The following TCF7L1 variants were observed in gnomAD, a reference collection of about 807,000 sequenced individuals.
The protein encoded by TCF7L1 is transcription factor 7-like 1.
In TCF7L1, 18 loss-of-function variants were observed where a neutral mutation model predicts 63.7. The ratio of observed to expected loss-of-function variants is 0.28; its 90% CI spans 0.20 to 0.42. The LOEUF is 0.42. Among genes scored for constraint, TCF7L1 ranks in the 10% least tolerant of loss-of-function variants. The pLI is 1.00. For missense variants in TCF7L1, 654 were observed against 779.3 expected (o/e 0.84, Z 1.91); for synonymous variants, 355 against 340.9 (o/e 1.04, Z -0.46).
intron 3 of TCF7L1, among the ~76,000 whole-genome samples, chr2:85,201,710 A>G (rs955420690): frequency 7.9e-5 from 12 of 152,186 alleles, no homozygotes; most frequent in Admixed American, 4.6e-4. Flanking sequence ...ACCATTTTAC[A>G]TTGCCATCAG....
chr2:85,139,174 A>G (rs925697270), intron 3 of TCF7L1, among the ~76,000 whole-genome samples: 2 of 151,978 alleles, frequency 1.3e-5, no homozygotes, highest in African/African-American at 2.4e-5. Flanking sequence ...ACGCCCAGCC[A>G]ATTTTTGTAT....
At chr2:85,172,922 A>G (rs1678584419) in intron 3 of TCF7L1, among the ~76,000 whole-genome samples, 1 of 152,066 alleles carries the variant, frequency 6.6e-6, no homozygotes, top group Non-Finnish European at 1.5e-5. Flanking sequence ...ATCATTGGTC[A>G]TTGCCCGTCT....
chr2:85,140,759 G>A (rs532766576), intron 3 of TCF7L1, among the ~76,000 whole-genome samples: 14 of 152,198 alleles, frequency 9.2e-5, no homozygotes, highest in Non-Finnish European at 1.5e-4. Flanking sequence ...TACTTGGGAG[G>A]CTGAGGCAGG....
At chr2:85,141,276 G>A (rs1199789387) in intron 3 of TCF7L1, among the ~76,000 whole-genome samples, 1 of 152,164 alleles carries the variant, frequency 6.6e-6, no homozygotes, top group Non-Finnish European at 1.5e-5. Context: ...GGAGCTTTTG[G>A]AATTCAGCTA....
chr2:85,307,726 C>T lies in TCF7L1; in HGVS notation c.1333+9C>T, dbSNP rs757810661. On this transcript the variant is annotated intron_variant, in intron 11 of 11. Coordinates refer to ENST00000282111, the MANE Select transcript of TCF7L1 (RefSeq NM_031283.3). Reference sequence around the variant, plus strand: ...AGTCCAGGAGGCAGAGGGTGCGTCTCGGGGCACTGGCCTCTTCTCCTGCTT... The same window carrying T: ...AGTCCAGGAGGCAGAGGGTGCGTCTTGGGGCACTGGCCTCTTCTCCTGCTT... 104 of 1,612,502 alleles carry T rather than the reference C, an allele frequency of 6.4e-5. No homozygotes were observed. The highest frequency in any genetic ancestry group is 5.4e-4 in the South Asian group (49 of 91,028).
intron 3 of TCF7L1, among the ~76,000 whole-genome samples, chr2:85,175,885 C>T (rs761941343): frequency 2.6e-5 from 4 of 152,180 alleles, no homozygotes; most frequent in African/African-American, 7.2e-5. Flanking sequence ...TCACCAGCCA[C>T]GTTTAGGTCA....
At chr2:85,249,771 C>T (rs1049514264) in intron 3 of TCF7L1, among the ~76,000 whole-genome samples, 10 of 152,156 alleles carry the variant, frequency 6.6e-5, no homozygotes, top group Non-Finnish European at 1.3e-4. Flanking sequence ...GAGTAGAAAA[C>T]CCATGGGCTC....
chr2:85,185,262 A>AT lies in TCF7L1; in HGVS notation c.441+50823dup, dbSNP rs370947993. ...TGAACTCATGAATCTGCATCACAGCATTTTTTTTTTTAAGAGATGGTGTGT... is the reference window on the plus strand; with the variant it reads ...TGAACTCATGAATCTGCATCACAGCATTTTTTTTTTTTAAGAGATGGTGTGT... On this transcript the variant is annotated intron_variant, in intron 3 of 11. Coordinates refer to ENST00000282111, the MANE Select transcript of TCF7L1 (RefSeq NM_031283.3). Among the ~76,000 whole-genome samples, 785 of 147,320 alleles carry AT rather than the reference A, an allele frequency of 5.3e-3. 7 individuals carry two copies. Among genetic ancestry groups the AT allele is most frequent in the African/African-American group, 0.017 (679 of 40,344 alleles).
chr2:85,209,756 G>A (rs1210919593), intron 3 of TCF7L1, among the ~76,000 whole-genome samples: 6 of 151,970 alleles, frequency 3.9e-5, no homozygotes, highest in African/African-American at 1.2e-4. Context: ...AATGGGGAGC[G>A]ACACCTTTGC....
In TCF7L1 at chr2:85,133,972, C is replaced by T. The variant is rs1466032446; in HGVS notation, c.249+39C>T. ...GCGGCCACCCCCGGGGGATCCCGGC[C>T]CTGCGTCCGCTCACCCGCTCTTGCC... On this transcript the variant is annotated intron_variant, in intron 1 of 11. Coordinates refer to ENST00000282111, the MANE Select transcript of TCF7L1 (RefSeq NM_031283.3). The surrounding 1 kb of genome is among the most constrained non-coding windows in gnomAD (Gnocchi z 4.4). 1.9e-6 allele frequency: 3 copies of T among 1,589,464 alleles called. No individual in the cohort carries two copies. Among genetic ancestry groups the T allele is most frequent in the Admixed American group, 1.7e-5 (1 of 58,124 alleles).
intron 3 of TCF7L1, among the ~76,000 whole-genome samples, chr2:85,156,703 G>A (rs1181950883): frequency 6.6e-6 from 1 of 152,206 alleles, no homozygotes; most frequent in Admixed American, 6.5e-5. Context: ...CAGAAATTGA[G>A]TTCCTCTGCT....
At chr2:85,276,987 T>TA (rs1271637067) in intron 3 of TCF7L1, among the ~76,000 whole-genome samples, 1 of 151,954 alleles carries the variant, frequency 6.6e-6, no homozygotes, top group African/African-American at 2.4e-5. Context: ...AAGGATGCAG[T>TA]AAAGGCCGTA....
intron 3 of TCF7L1, among the ~76,000 whole-genome samples, chr2:85,200,715 T>C (rs1177389426): frequency 6.6e-6 from 1 of 152,204 alleles, no homozygotes; most frequent in Non-Finnish European, 1.5e-5. Context: ...CTAAACACGA[T>C]GAAAACTACA....
intron 4 of TCF7L1, among the ~76,000 whole-genome samples, chr2:85,298,554 T>G (rs1021324155): frequency 4.0e-5 from 6 of 150,996 alleles, no homozygotes; most frequent in Non-Finnish European, 5.9e-5. Flanking sequence ...TTTAAAGACC[T>G]TTGTCTTGTA....
At chr2:85,240,119 C>T (rs1293059942) in intron 3 of TCF7L1, among the ~76,000 whole-genome samples, 2 of 152,166 alleles carry the variant, frequency 1.3e-5, no homozygotes, top group African/African-American at 2.4e-5. Flanking sequence ...CTGAGTGTTC[C>T]GTGTGTGTTT....
rs1678697305 is a variant in TCF7L1 at position 85,177,251 on chromosome 2, C to A, written c.441+42801C>A. On this transcript the variant is annotated intron_variant, in intron 3 of 11. Transcript: ENST00000282111. ...ATTCATCAGGGCTCCACCCTCATGA[C>A]CTAATTACCACCCAAAGGCCCCACC... 2.0e-5 allele frequency among the ~76,000 whole-genome samples: 3 copies of A among 152,118 alleles called. No individual in the cohort carries two copies. In the South Asian group the frequency reaches 6.2e-4, roughly 32 times the overall value.
chr2:85,274,892 G>A (rs1276207020), intron 3 of TCF7L1, among the ~76,000 whole-genome samples: 1 of 152,084 alleles, frequency 6.6e-6, no homozygotes, highest in East Asian at 1.9e-4. Context: ...CCCACACTCT[G>A]CCTGGTCCTC....
chr2:85,270,141 T>C (rs2104355435), intron 3 of TCF7L1, among the ~76,000 whole-genome samples: 1 of 152,340 alleles, frequency 6.6e-6, no homozygotes, highest in South Asian at 2.1e-4. Context: ...GGCTGTTCTT[T>C]TGTGTTGAGT....
intron 3 of TCF7L1, among the ~76,000 whole-genome samples, chr2:85,282,983 C>G (rs971025396): frequency 1.3e-5 from 2 of 152,150 alleles, no homozygotes; most frequent in Non-Finnish European, 2.9e-5. Flanking sequence ...TTGCCCATGA[C>G]TCTGTGTCAG....
Sources: allele counts gnomAD v4.1 joint callset (sites outside exome capture counted in the v4.1 genomes callset), GRCh38; gene constraint gnomAD v4.1.1; non-coding constraint Gnocchi (gnomAD v3.1); transcripts MANE v1.5; gene names NCBI Gene and HGNC (gene_info 2026-07-23, HGNC 2026-07-21).